Variants in CDH4 observed in about 807,000 individuals in gnomAD.
CDH4 encodes the protein cadherin-4.
CDH4 carries 33 observed loss-of-function variants against 86.0 expected under a neutral mutation model. The ratio of observed to expected loss-of-function variants is 0.38; its 90% CI spans 0.29 to 0.51. The LOEUF is 0.51. Among genes scored for constraint, CDH4 ranks in the 20% least tolerant of loss-of-function variants. The pLI, the probability that CDH4 is intolerant of heterozygous loss-of-function variation, is 0.86. For missense variants in CDH4, 1,114 were observed against 1,307.4 expected (o/e 0.85, Z 2.28); for synonymous variants, 555 against 549.4 (o/e 1.01, Z -0.14).
At chr20:61,649,548 C>T (rs1051945076) in intron 2 of CDH4, among the ~76,000 whole-genome samples, 10 of 152,168 alleles carry the variant, frequency 6.6e-5, no homozygotes, top group East Asian at 5.8e-4. Flanking sequence ...GACATCTCTG[C>T]GGTGGAGACA....
Position 61,720,610 on chromosome 20 carries a change from C to A in CDH4, c.170-22953C>A, listed in dbSNP as rs5021369. Reference sequence around the variant, plus strand: ...AGGGGTGTACAGTGCAGGGGTGCAGCATGCAGGGGTGCAGAGTGCCATTCC... The same window carrying A: ...AGGGGTGTACAGTGCAGGGGTGCAGAATGCAGGGGTGCAGAGTGCCATTCC... On this transcript the variant is annotated intron_variant, in intron 2 of 15. Coordinates refer to ENST00000614565, the MANE Select transcript of CDH4 (RefSeq NM_001794.5). Among the ~76,000 whole-genome samples the A allele has an allele frequency of 1.8e-3, 79 of 43,988 alleles. 1 individual carries two copies. Among genetic ancestry groups the A allele is most frequent in the Middle Eastern group, 0.013 (1 of 80 alleles). 28.9% of individuals were successfully genotyped at this position (43,988 alleles called of 152,430 possible).
chr20:61,725,284 C>T (rs1329611929), intron 2 of CDH4, among the ~76,000 whole-genome samples: 1 of 152,154 alleles, frequency 6.6e-6, no homozygotes, highest in Admixed American at 6.5e-5. Flanking sequence ...CCTTGCCCCG[C>T]ACACACCTCC....
At chr20:61,757,707 G>A (rs1337745081) in intron 3 of CDH4, among the ~76,000 whole-genome samples, 2 of 152,254 alleles carry the variant, frequency 1.3e-5, no homozygotes, top group Non-Finnish European at 2.9e-5. Flanking sequence ...AGGTGGCTTG[G>A]TGAAGATTCT....
chr20:61,791,465 T>C (rs143129699), intron 4 of CDH4, among the ~76,000 whole-genome samples: 92 of 152,360 alleles, frequency 6.0e-4, no homozygotes, highest in African/African-American at 2.0e-3. Context: ...AAAACAGTGA[T>C]TCACCCGGTC....
intron 8 of CDH4, among the ~76,000 whole-genome samples, chr20:61,905,622 CCTT>C (rs2054780659): frequency 6.6e-6 from 1 of 152,204 alleles, no homozygotes; most frequent in South Asian, 2.1e-4. Flanking sequence ...GCTAGCCACA[CCTT>C]CTGCCTCTGC....
chr20:61,606,264 T>G (rs560097659), intron 2 of CDH4, among the ~76,000 whole-genome samples: 1 of 152,340 alleles, frequency 6.6e-6, no homozygotes, highest in South Asian at 2.1e-4. Flanking sequence ...GCACCACCTC[T>G]GTGCCGGGCT....
chr20:61,362,751 G>T (rs2084790987), intron 2 of CDH4, among the ~76,000 whole-genome samples: 1 of 152,128 alleles, frequency 6.6e-6, no homozygotes, highest in African/African-American at 2.4e-5. Context: ...CGAGACAGGG[G>T]CACCTGAGAC....
At chr20:61,760,807 G>A (rs1016788795) in intron 3 of CDH4, among the ~76,000 whole-genome samples, 4 of 152,176 alleles carry the variant, frequency 2.6e-5, no homozygotes, top group Non-Finnish European at 5.9e-5. Flanking sequence ...GTGCTCGTGG[G>A]GCAGGGAGAG....
chr20:61,767,402 A>G (rs1461083878), intron 3 of CDH4, among the ~76,000 whole-genome samples: 1 of 152,202 alleles, frequency 6.6e-6, no homozygotes, highest in African/African-American at 2.4e-5. Context: ...CCCCCGGGGC[A>G]GTAGCAGGTC....
chr20:61,342,253 G>A (rs533508120), intron 2 of CDH4, among the ~76,000 whole-genome samples: 182 of 152,262 alleles, frequency 1.2e-3, no homozygotes, highest in East Asian at 3.7e-3. Context: ...TGATTCAAGC[G>A]CTTTACATTT....
chr20:61,748,137 C>G (rs1033783403), intron 3 of CDH4, among the ~76,000 whole-genome samples: 1 of 148,092 alleles, frequency 6.8e-6, no homozygotes, highest in Admixed American at 6.6e-5. Flanking sequence ...TGAATGATTT[C>G]TTTTCTTTTT....
chr20:61,550,736 A>T (rs1568888898), intron 2 of CDH4, among the ~76,000 whole-genome samples: 2 of 152,204 alleles, frequency 1.3e-5, no homozygotes, highest in Non-Finnish European at 2.9e-5. Context: ...GCAGAGAGCC[A>T]CATGGTGGTG....
intron 4 of CDH4, among the ~76,000 whole-genome samples, chr20:61,841,848 T>A (rs1034448494): frequency 3.9e-5 from 6 of 152,176 alleles, no homozygotes; most frequent in African/African-American, 1.4e-4. Context: ...CTATTGGCAC[T>A]GACCCCCATG....
chr20:61,805,105 C>T (rs1338580698), intron 4 of CDH4, among the ~76,000 whole-genome samples: 1 of 152,234 alleles, frequency 6.6e-6, no homozygotes, highest in African/African-American at 2.4e-5. Context: ...CAGCAAACAT[C>T]TTGGGAGTGA....
In CDH4 at chr20:61,859,956, G is replaced by A. The variant is rs75372669; in HGVS notation, c.877+7058G>A. On this transcript the variant is annotated intron_variant, in intron 6 of 15. Coordinates refer to ENST00000614565, the MANE Select transcript of CDH4 (RefSeq NM_001794.5). The stretch of plus-strand genomic sequence containing the variant: ...GCCATGCTGTCCACGGCACTGCCGC[G>A]TGACCACAGCATGGCCCTGGGGTGG... Among the ~76,000 whole-genome samples the A allele has an allele frequency of 8.5e-5, 13 of 152,366 alleles. No homozygotes were observed. The East Asian group carries it at 2.5e-3, about 29-fold the overall frequency.
intron 2 of CDH4, among the ~76,000 whole-genome samples, chr20:61,564,543 C>T (rs1396852274): frequency 1.3e-5 from 2 of 152,112 alleles, no homozygotes; most frequent in East Asian, 3.9e-4. Flanking sequence ...CATGTGATGC[C>T]CTGGCTCCGC....
intron 2 of CDH4, among the ~76,000 whole-genome samples, chr20:61,361,434 T>G (rs779131409): frequency 2.0e-5 from 3 of 152,152 alleles, no homozygotes; most frequent in Non-Finnish European, 4.4e-5. Flanking sequence ...TGTAAATCAC[T>G]CCCAGGTGTG....
chr20:61,784,312 G>A (rs1228513407), intron 4 of CDH4, among the ~76,000 whole-genome samples: 1 of 16,360 alleles, frequency 6.1e-5, no homozygotes, highest in Non-Finnish European at 1.1e-4. Context: ...GTGCCCCCAA[G>A]AGAAATGTAA....
At chr20:61,671,152 G>C (rs1020877429) in intron 2 of CDH4, among the ~76,000 whole-genome samples, 1 of 151,980 alleles carries the variant, frequency 6.6e-6, no homozygotes, top group Non-Finnish European at 1.5e-5. Context: ...GGGTGGATGG[G>C]TGGGTGGATC....
Sources: allele counts gnomAD v4.1 joint callset (sites outside exome capture counted in the v4.1 genomes callset), GRCh38; gene constraint gnomAD v4.1.1; transcripts MANE v1.5; gene names NCBI Gene and HGNC (gene_info 2026-07-23, HGNC 2026-07-21).